The following PPP1R2 variants were observed in gnomAD, a reference collection of about 807,000 sequenced individuals.
PPP1R2 encodes protein phosphatase 1 regulatory inhibitor subunit 2.
Under a neutral mutation model 29.9 loss-of-function variants are expected in PPP1R2, and 16 were observed. That is an observed-to-expected ratio of 0.53 (90% CI 0.36 to 0.81). PPP1R2 has a LOEUF of 0.81. Ranked by LOEUF, PPP1R2 falls within the 30% of genes least tolerant of loss-of-function variation. The pLI is 0.00. For synonymous variants in PPP1R2, 76 were observed against 91.5 expected (o/e 0.83, Z 0.96); for missense variants, 197 against 252.7 (o/e 0.78, Z 1.49).
intron 1 of PPP1R2, among the ~76,000 whole-genome samples, chr3:195,536,233 AG>A (rs1719377247): frequency 6.9e-6 from 1 of 145,334 alleles, no homozygotes; most frequent in Non-Finnish European, 1.5e-5. Flanking sequence ...CCAAAGTGGG[AG>A]GATCACCTGA....
At chr3:195,526,907 G>A (rs548620185) in intron 2 of PPP1R2, among the ~76,000 whole-genome samples, 182 of 152,076 alleles carry the variant, frequency 1.2e-3, no homozygotes, top group African/African-American at 4.1e-3. Context: ...TCAGCCTCCC[G>A]AGTAGCTGGG....
In PPP1R2 at chr3:195,542,854, C is replaced by G. The variant is rs536310975; in HGVS notation, c.122+50G>C. On this transcript the variant is annotated intron_variant, in intron 1 of 5. Transcript: ENST00000618156. ...CCGCCCCTGGGGTCTGGGTAGGTAACGGGCCCGGCGGGAAGGAGGGGCTCC... is the reference window on the plus strand; with the variant it reads ...CCGCCCCTGGGGTCTGGGTAGGTAAGGGGCCCGGCGGGAAGGAGGGGCTCC... 4.7e-5 allele frequency: 73 copies of G among 1,554,940 alleles called. No homozygotes were observed. In the South Asian group the frequency reaches 8.6e-4, roughly 18 times the overall value.
rs1242389608 is a variant in PPP1R2 at position 195,526,035 on chromosome 3, TACTA to T, written c.231-1143_231-1140del. Among the ~76,000 whole-genome samples the T allele has an allele frequency of 5.9e-5, 9 of 152,292 alleles. No homozygotes were observed. The South Asian group carries it at 1.2e-3, about 21-fold the overall frequency. ...TATACAGAAGCAATAACTTCTTGTA[TACTA>T]ACTGTGAGATTCTTAGATAATAAGA... is the stretch of plus-strand genomic sequence containing the variant. On this transcript the variant is annotated intron_variant, in intron 2 of 5. Coordinates refer to ENST00000618156, the MANE Select transcript of PPP1R2 (RefSeq NM_006241.8).
chr3:195,543,303 C>T lies in PPP1R2; in HGVS notation c.-278G>A, dbSNP rs115974134. 1,977 of 288,178 alleles carry T rather than the reference C, an allele frequency of 6.9e-3. 48 individuals are homozygous for T. The highest frequency in any genetic ancestry group is 0.041 in the African/African-American group (1,866 of 45,452). 17.9% of individuals were successfully genotyped at this position (288,178 alleles called of 1,614,324 possible). Reference sequence around the variant, plus strand: ...GAGACGCCGGCCTAGAGCTCCAGCGCAGGAGCGACGCGACGCCGAAGCCAA... The same window carrying T: ...GAGACGCCGGCCTAGAGCTCCAGCGTAGGAGCGACGCGACGCCGAAGCCAA... On this transcript the variant is annotated 5_prime_UTR_variant, in exon 1 of 6. Transcript: ENST00000618156.
rs563802030 is a variant in PPP1R2 at position 195,524,727 on chromosome 3, C to T, written c.308+92G>A. ...ATGTTGATCAACAGCCTTTTCTTCCCGCTCATACAGGGACAGCCACGCAGG... is the reference window on the plus strand; with the variant it reads ...ATGTTGATCAACAGCCTTTTCTTCCTGCTCATACAGGGACAGCCACGCAGG... On this transcript the variant is annotated intron_variant, in intron 3 of 5. Transcript: ENST00000618156. 8.1e-5 allele frequency: 97 copies of T among 1,193,272 alleles called. No homozygotes were observed. The African/African-American group carries it at 1.2e-3, about 15-fold the overall frequency. 73.9% of individuals were successfully genotyped at this position (1,193,272 alleles called of 1,614,324 possible).
chr3:195,527,985 T>C lies in PPP1R2; in HGVS notation c.230+1809A>G, dbSNP rs538865372. The C allele has an allele frequency of 3.5e-5, 11 of 313,448 alleles. No homozygotes were observed. In the East Asian group the frequency reaches 7.2e-4, roughly 21 times the overall value. 19.4% of individuals were successfully genotyped at this position (313,448 alleles called of 1,614,324 possible). Reference sequence around the variant, plus strand: ...TTAACTAATTGTAATTTTATTGTTTTTCTTCCCCTCAATTTATTTTTACTT... The same window carrying C: ...TTAACTAATTGTAATTTTATTGTTTCTCTTCCCCTCAATTTATTTTTACTT... On this transcript the variant is annotated intron_variant, in intron 2 of 5. Transcript: ENST00000618156.
chr3:195,540,047 C>T (rs1180445796), intron 1 of PPP1R2, among the ~76,000 whole-genome samples: 1 of 152,164 alleles, frequency 6.6e-6, no homozygotes, highest in Non-Finnish European at 1.5e-5. Context: ...TTTTACACAA[C>T]GAAGACACCT....
intron 5 of PPP1R2, among the ~76,000 whole-genome samples, chr3:195,518,237 A>T (rs1718620551): frequency 6.6e-6 from 1 of 152,232 alleles, no homozygotes; most frequent in Non-Finnish European, 1.5e-5. Flanking sequence ...AAGACTTAAA[A>T]AAAAAATAAA....
At chr3:195,528,300 T>C (rs1719050467) in intron 2 of PPP1R2, among the ~76,000 whole-genome samples, 1 of 152,224 alleles carries the variant, frequency 6.6e-6, no homozygotes, top group African/African-American at 2.4e-5. Context: ...TTGCTGTGAA[T>C]GCCATTATTT....
At chr3:195,538,874 G>T (rs1384387725) in intron 1 of PPP1R2, among the ~76,000 whole-genome samples, 1 of 152,106 alleles carries the variant, frequency 6.6e-6, no homozygotes, top group Non-Finnish European at 1.5e-5. Flanking sequence ...CAGATATAAT[G>T]AATAATTCAC....
At chr3:195,536,320 G>T (rs1053475942) in intron 1 of PPP1R2, among the ~76,000 whole-genome samples, 1 of 146,868 alleles carries the variant, frequency 6.8e-6, no homozygotes, top group South Asian at 2.1e-4. Flanking sequence ...AAAAAAAAGT[G>T]CTGGGATTAT....
chr3:195,526,812 G>C (rs1370651082), intron 2 of PPP1R2, among the ~76,000 whole-genome samples: 2 of 151,736 alleles, frequency 1.3e-5, no homozygotes, highest in Non-Finnish European at 2.9e-5. Flanking sequence ...ACAGAGTTTC[G>C]CTCTGGTTGC....
At chr3:195,517,746 G>A (rs1314348781) in intron 5 of PPP1R2, among the ~76,000 whole-genome samples, 3 of 151,880 alleles carry the variant, frequency 2.0e-5, no homozygotes, top group African/African-American at 7.3e-5. Context: ...AAATAAAAAT[G>A]GATAATAAAA....
rs188333567 is a variant in PPP1R2, at chr3:195,514,438, G to A, written c.*2458C>T. On this transcript the variant is annotated 3_prime_UTR_variant, in exon 6 of 6. Coordinates refer to ENST00000618156, the MANE Select transcript of PPP1R2 (RefSeq NM_006241.8). ...ACACACAGGCAATTGTCATATTATT[G>A]TATTTTATTACAGTACGTGTAGTGT... 2 of 152,316 alleles carry A rather than the reference G, an allele frequency of 1.3e-5. No homozygotes were observed. The highest frequency in any genetic ancestry group is 2.1e-4 in the South Asian group (1 of 4,830). The allele number at this position is 152,316 out of a possible 1,614,324, so 9.4% of individuals were successfully genotyped here.
At chr3:195,517,539 G>A (rs1303438497) in intron 5 of PPP1R2, among the ~76,000 whole-genome samples, 2 of 152,076 alleles carry the variant, frequency 1.3e-5, no homozygotes, top group East Asian at 3.9e-4. Flanking sequence ...CTCCAGTGAA[G>A]AAAAATCAGG....
chr3:195,522,081 A>C (rs2033150769), intron 4 of PPP1R2, among the ~76,000 whole-genome samples: 1 of 152,236 alleles, frequency 6.6e-6, no homozygotes, highest in Non-Finnish European at 1.5e-5. Context: ...TAAGTTGTTA[A>C]AAGTTAGTAT....
rs1348762642 is a variant in PPP1R2, at chr3:195,515,578, A to C, written c.*1318T>G. ...TTCCTGCACTTGGTTGAAGGAAAAA[A>C]TTCCACCTAATTCTTACTGCGTTAG... On this transcript the variant is annotated 3_prime_UTR_variant, in exon 6 of 6. Transcript: ENST00000618156. 1 of 152,494 alleles carries C rather than the reference A, an allele frequency of 6.6e-6. No individual in the cohort carries two copies. The highest frequency in any genetic ancestry group is 1.5e-5 in the Non-Finnish European group (1 of 68,008). The allele number at this position is 152,494 out of a possible 1,614,324, so 9.4% of individuals were successfully genotyped here.
chr3:195,534,011 T>A (rs1248267343), intron 1 of PPP1R2, among the ~76,000 whole-genome samples: 1 of 152,070 alleles, frequency 6.6e-6, no homozygotes, highest in Admixed American at 6.6e-5. Flanking sequence ...CAGAGGCCAT[T>A]AAGAAAATCA....
At chr3:195,522,045 C>T (rs1052642135) in intron 4 of PPP1R2, among the ~76,000 whole-genome samples, 1 of 152,138 alleles carries the variant, frequency 6.6e-6, no homozygotes, top group Non-Finnish European at 1.5e-5. Flanking sequence ...TTTATACCTA[C>T]TTTTACTTTT....
Sources: gnomAD v4.1 joint callset for allele counts (sites outside exome capture counted in the v4.1 genomes callset) on GRCh38, gnomAD v4.1.1 for gene constraint, MANE v1.5 for transcripts, NCBI Gene and HGNC (gene_info 2026-07-23, HGNC 2026-07-21) for gene names.